Variants in LRMDA observed in about 807,000 individuals in gnomAD.
LRMDA encodes the protein leucine rich melanocyte differentiation associated, also known as leucine-rich melanocyte differentiation-associated protein.
In LRMDA, 18 loss-of-function variants were observed where a neutral mutation model predicts 29.8. The observed-to-expected ratio is 0.60, with a 90% CI of 0.42 to 0.90. LRMDA has a LOEUF of 0.90. Among genes scored for constraint, LRMDA ranks in the 40% least tolerant of loss-of-function variants. The probability of loss-of-function intolerance (pLI) is 0.00; values close to 1 mark genes in which losing one functional copy is unlikely to be tolerated. For synonymous variants in LRMDA, 125 were observed against 109.4 expected, an observed-to-expected ratio of 1.14 and a Z score of -0.89; for missense variants, 273 against 273.9, an observed-to-expected ratio of 1.00 and a Z score of 0.02.
chr10:76,372,629 T>TAAAAAATAAAATAAAAA (rs1260740380), intron 6 of LRMDA, among the ~76,000 whole-genome samples: 1 of 150,906 alleles, frequency 6.6e-6, no homozygotes, highest in Non-Finnish European at 1.5e-5. Flanking sequence ...TAAAATAAAA[T>TAAAAAATAAAATAAAAA]AAAAAATAAA....
intron 6 of LRMDA, among the ~76,000 whole-genome samples, chr10:76,413,726 C>T (rs1432162372): frequency 1.3e-5 from 2 of 152,144 alleles, no homozygotes; most frequent in Non-Finnish European, 2.9e-5. Context: ...GAAGAAAGCT[C>T]CCCAAAGGCA....
intron 2 of LRMDA, among the ~76,000 whole-genome samples, chr10:75,646,044 A>C (rs1589145038): frequency 8.4e-5 from 11 of 131,112 alleles, no homozygotes; most frequent in Admixed American, 2.3e-4. Flanking sequence ...TTGTGCCCCC[A>C]CCTCCATCCT....
intron 2 of LRMDA, among the ~76,000 whole-genome samples, chr10:75,609,833 G>A (rs926097657): frequency 2.0e-5 from 3 of 152,200 alleles, no homozygotes; most frequent in East Asian, 1.9e-4. Context: ...AAGGTCTTCA[G>A]TAGGCAGGGA....
chr10:75,630,693 CATACAT>C (rs1373180975), intron 2 of LRMDA, among the ~76,000 whole-genome samples: 1 of 152,204 alleles, frequency 6.6e-6, no homozygotes, highest in Non-Finnish European at 1.5e-5. Flanking sequence ...ATTTCATAAA[CATACAT>C]ATATATCACA....
chr10:75,471,712 G>A (rs931408906), intron 2 of LRMDA, among the ~76,000 whole-genome samples: 2 of 152,040 alleles, frequency 1.3e-5, no homozygotes, highest in African/African-American at 2.4e-5. Context: ...TCATGCTGAC[G>A]TACTTTAATG....
At chr10:76,399,313 T>A (rs1157249383) in intron 6 of LRMDA, among the ~76,000 whole-genome samples, 3 of 152,204 alleles carry the variant, frequency 2.0e-5, no homozygotes, top group Non-Finnish European at 4.4e-5. Context: ...GTTTTCGAAG[T>A]AGTTGGCTCT....
chr10:75,738,062 C>G (rs1275353529), intron 2 of LRMDA, among the ~76,000 whole-genome samples: 1 of 152,192 alleles, frequency 6.6e-6, no homozygotes, highest in Non-Finnish European at 1.5e-5. Flanking sequence ...TAGAAACTTC[C>G]ACTTTTGTGT....
At chr10:75,721,060 A>G (rs189718046) in intron 2 of LRMDA, among the ~76,000 whole-genome samples, 2 of 152,358 alleles carry the variant, frequency 1.3e-5, no homozygotes. Flanking sequence ...AAGACATTTG[A>G]CTTTTCAACA....
chr10:76,082,927 G>C (rs988038516), intron 5 of LRMDA, among the ~76,000 whole-genome samples: 4 of 152,146 alleles, frequency 2.6e-5, no homozygotes, highest in Non-Finnish European at 5.9e-5. Context: ...GTTGAAGCCA[G>C]CTTTGAGTTG....
intron 6 of LRMDA, among the ~76,000 whole-genome samples, chr10:76,495,408 A>G (rs995886802): frequency 1.3e-5 from 2 of 151,866 alleles, no homozygotes; most frequent in Non-Finnish European, 1.5e-5. Context: ...TATCTTGATT[A>G]TTAGACATAT....
chr10:75,766,134 T>G (rs150688036), intron 2 of LRMDA, among the ~76,000 whole-genome samples: 25 of 152,298 alleles, frequency 1.6e-4, no homozygotes, highest in African/African-American at 5.3e-4. Context: ...GGTGTTCACC[T>G]TAGGGAATAT....
intron 2 of LRMDA, among the ~76,000 whole-genome samples, chr10:75,701,749 T>A (rs1842310556): frequency 6.6e-6 from 1 of 152,152 alleles, no homozygotes; most frequent in Admixed American, 6.5e-5. Flanking sequence ...AATCTTCTTG[T>A]GCAGTGGTAA....
At chr10:75,664,832 A>G (rs1841800094) in intron 2 of LRMDA, among the ~76,000 whole-genome samples, 1 of 152,244 alleles carries the variant, frequency 6.6e-6, no homozygotes, top group Admixed American at 6.5e-5. Context: ...ATTCAACCAT[A>G]AATGCTTAGA....
intron 2 of LRMDA, among the ~76,000 whole-genome samples, chr10:75,598,993 G>A (rs1032507946): frequency 1.3e-5 from 2 of 152,168 alleles, no homozygotes; most frequent in African/African-American, 4.8e-5. Flanking sequence ...GTGGCAAAGA[G>A]GAGAGGAGGT....
chr10:75,636,356 G>T (rs201143314), intron 2 of LRMDA, among the ~76,000 whole-genome samples: 1 of 151,948 alleles, frequency 6.6e-6, no homozygotes, highest in Non-Finnish European at 1.5e-5. Context: ...ATGTAATCTT[G>T]TTCCTTTTAA....
At chr10:75,898,303 G>A (rs1845617042) in intron 2 of LRMDA, among the ~76,000 whole-genome samples, 1 of 152,208 alleles carries the variant, frequency 6.6e-6, no homozygotes, top group African/African-American at 2.4e-5. Flanking sequence ...ACTGGTCAGA[G>A]ATTGAAGGAC....
chr10:75,537,299 G>A (rs559919703), intron 2 of LRMDA, among the ~76,000 whole-genome samples: 11 of 152,260 alleles, frequency 7.2e-5, no homozygotes, highest in Middle Eastern at 3.4e-3. Flanking sequence ...TTCTGGCTCA[G>A]CCCCTGAGAA....
At chr10:76,083,673 A>G (rs1849083673) in intron 5 of LRMDA, among the ~76,000 whole-genome samples, 2 of 152,146 alleles carry the variant, frequency 1.3e-5, no homozygotes, top group African/African-American at 4.8e-5. Flanking sequence ...TACTAAAAAA[A>G]CAAACAAAAA....
At position 76,130,851 on chromosome 10, in the gene LRMDA, C is replaced by T. The variant is rs188118132; in HGVS notation, c.516+72068C>T. Reference sequence around the variant, plus strand: ...ATGTTTTGTATTTTTTTAGTAGAGACGGGGTTTCACCATGTTGGCCAGGCT... The same window carrying T: ...ATGTTTTGTATTTTTTTAGTAGAGATGGGGTTTCACCATGTTGGCCAGGCT... On this transcript the variant is annotated intron_variant, in intron 5 of 6. Transcript: ENST00000611255. Among the ~76,000 whole-genome samples the T allele has an allele frequency of 1.5e-3, 222 of 151,994 alleles. 2 individuals are homozygous for T. The highest frequency in any genetic ancestry group is 9.8e-3 in the Admixed American group (150 of 15,252).
Sources: allele counts gnomAD v4.1 joint callset (sites outside exome capture counted in the v4.1 genomes callset), GRCh38; gene constraint gnomAD v4.1.1; transcripts MANE v1.5; gene names NCBI Gene and HGNC (gene_info 2026-07-23, HGNC 2026-07-21).